Variants in PLA2G4E observed in about 807,000 individuals in gnomAD.
PLA2G4E encodes phospholipase A2 group IVE.
A neutral mutation model predicts 109.1 loss-of-function variants in PLA2G4E; 84 were observed. That is an observed-to-expected ratio of 0.77 (90% confidence interval 0.65 to 0.92). The LOEUF is 0.92. PLA2G4E is among the 40% of genes least tolerant of loss of function. The probability of loss-of-function intolerance (pLI) is 0.00; values close to 1 mark genes in which losing one functional copy is unlikely to be tolerated. For synonymous variants in PLA2G4E, 469 were observed against 436.1 expected (o/e 1.08, Z -0.94); for missense variants, 1,057 against 1,076.6 (o/e 0.98, Z 0.25).
intron 17 of PLA2G4E, 60 bp from the exon 18 acceptor site, chr15:41,986,065 G>A: frequency 1.0e-5 from 16 of 1,523,914 alleles, no homozygotes; most frequent in Non-Finnish European, 1.4e-5. Flanking sequence ...AATGGACAGA[G>A]GCACTTGGGG....
At chr15:42,032,371 G>T (rs1889127729) in intron 1 of PLA2G4E, among the ~76,000 whole-genome samples, 2 of 152,164 alleles carry the variant, frequency 1.3e-5, no homozygotes, top group South Asian at 4.1e-4. Flanking sequence ...CGGAGTCAAG[G>T]GTCCCTGCCC....
At chr15:42,003,521 T>C (rs1704362) in intron 5 of PLA2G4E, among the ~76,000 whole-genome samples, 145,656 of 152,354 alleles carry the variant, frequency 0.96, 69,794 homozygotes, top group South Asian at 0.98. Context: ...TAATTCAGCC[T>C]AGGAGTTTTC....
chr15:42,003,921 T>G (rs1219131736), intron 5 of PLA2G4E, among the ~76,000 whole-genome samples: 1 of 152,168 alleles, frequency 6.6e-6, no homozygotes, highest in African/African-American at 2.4e-5. Flanking sequence ...TTCCTTTCCT[T>G]CCTACCTTCC....
At chr15:41,993,467 C>T (rs556711250) in intron 12 of PLA2G4E, among the ~76,000 whole-genome samples, 1 of 152,336 alleles carries the variant, frequency 6.6e-6, no homozygotes, top group African/African-American at 2.4e-5. Flanking sequence ...CGACTGATTA[C>T]AGGTCCTGGC....
intron 1 of PLA2G4E, among the ~76,000 whole-genome samples, chr15:42,049,210 G>A (rs965750501): frequency 6.6e-6 from 1 of 152,144 alleles, no homozygotes; most frequent in African/African-American, 2.4e-5. Flanking sequence ...CCTGGGGCGG[G>A]GCTCTTGACC....
chr15:42,005,241 G>A (rs964198148), intron 4 of PLA2G4E, among the ~76,000 whole-genome samples: 1 of 152,208 alleles, frequency 6.6e-6, no homozygotes, highest in African/African-American at 2.4e-5. Context: ...CTGCCCGAGA[G>A]CATCTCCTTT....
At chr15:41,995,925 C>T (rs1255434020) in intron 11 of PLA2G4E, among the ~76,000 whole-genome samples, 6 of 152,206 alleles carry the variant, frequency 3.9e-5, no homozygotes, top group African/African-American at 1.4e-4. Context: ...GGCACCAGGC[C>T]TGGCACATGG....
intron 19 of PLA2G4E, 64 bp from the exon 20 acceptor site, chr15:41,984,038 CAT>C (rs1274987217): frequency 6.9e-7 from 1 of 1,454,300 alleles, no homozygotes; most frequent in Non-Finnish European, 9.4e-7. Context: ...CTTGTTTCCA[CAT>C]CTCTCCCCAA....
At chr15:41,997,248 A>G (rs1406424602) in exon 11 of PLA2G4E, 3 of 1,547,154 alleles carry the variant, frequency 1.9e-6, no homozygotes, top group Non-Finnish European at 2.6e-6. Flanking sequence ...CCGCACGTCC[A>G]GTGTCTCAGG....
At chr15:42,009,343 A>G (rs1380825711) in intron 2 of PLA2G4E, among the ~76,000 whole-genome samples, 1 of 152,118 alleles carries the variant, frequency 6.6e-6, no homozygotes, top group Non-Finnish European at 1.5e-5. Context: ...AGGACCCCCA[A>G]CTTCTCATCT....
At chr15:42,031,616 G>C (rs1027396534) in intron 1 of PLA2G4E, among the ~76,000 whole-genome samples, 2 of 152,086 alleles carry the variant, frequency 1.3e-5, no homozygotes, top group Non-Finnish European at 2.9e-5. Context: ...CCACAGAGGG[G>C]GTATTGTAAC....
exon 20 of PLA2G4E, chr15:41,982,822 TG>T (rs1268498308): frequency 6.6e-6 from 1 of 152,286 alleles, no homozygotes; most frequent in Non-Finnish European, 1.5e-5. Flanking sequence ...TCACCAGCCC[TG>T]GAGCTCTGGG....
chr15:41,982,227 C>T (rs2068076827), exon 20 of PLA2G4E: 1 of 152,276 alleles, frequency 6.6e-6, no homozygotes, highest in South Asian at 2.1e-4. Flanking sequence ...CTGCAGACCT[C>T]ATGTCTTCCT....
chr15:42,044,854 A>C (rs1889385078), intron 1 of PLA2G4E, among the ~76,000 whole-genome samples: 1 of 151,872 alleles, frequency 6.6e-6, no homozygotes, highest in Non-Finnish European at 1.5e-5. Flanking sequence ...ATTGGGCAGG[A>C]CAGGGACAGG....
At chr15:42,024,319 T>C (rs943566792) in intron 1 of PLA2G4E, among the ~76,000 whole-genome samples, 1 of 152,156 alleles carries the variant, frequency 6.6e-6, no homozygotes, top group African/African-American at 2.4e-5. Flanking sequence ...AATTCTGAAC[T>C]TGTCTCTGCA....
intron 7 of PLA2G4E, among the ~76,000 whole-genome samples, 181 bp downstream of exon 7, chr15:42,000,976 G>T (rs749394455): frequency 6.6e-6 from 1 of 152,150 alleles, no homozygotes; most frequent in African/African-American, 2.4e-5. Flanking sequence ...CCTTTACAGA[G>T]CAGGATGGGA....
chr15:42,034,691 A>T (rs1465261344), intron 1 of PLA2G4E, among the ~76,000 whole-genome samples: 1 of 152,152 alleles, frequency 6.6e-6, no homozygotes, highest in African/African-American at 2.4e-5. Flanking sequence ...TGAGAAAGAG[A>T]GAGAAGAAGA....
exon 20 of PLA2G4E, chr15:41,983,925 A>G: frequency 6.2e-7 from 1 of 1,613,032 alleles, no homozygotes. Flanking sequence ...TTTTGGGACC[A>G]TAAATGTCCA....
intron 1 of PLA2G4E, among the ~76,000 whole-genome samples, chr15:42,021,313 A>G (rs1466331331): frequency 6.6e-6 from 1 of 151,984 alleles, no homozygotes; most frequent in African/African-American, 2.4e-5. Flanking sequence ...GTGGGTGGCA[A>G]GAAGAGGACA....
Sources: gnomAD v4.1 joint callset for allele counts (sites outside exome capture counted in the v4.1 genomes callset) on GRCh38, gnomAD v4.1.1 for gene constraint, MANE v1.5 for transcripts, NCBI Gene and HGNC (gene_info 2026-07-23, HGNC 2026-07-21) for gene names.